The following CCDC178 variants were observed in gnomAD, a reference collection of about 807,000 sequenced individuals.
The protein encoded by CCDC178 is coiled-coil domain containing 178, also known as coiled-coil domain-containing protein 178.
CCDC178 carries 126 observed loss-of-function variants against 117.4 expected under a neutral mutation model. The ratio of observed to expected loss-of-function variants is 1.07; its 90% CI spans 0.93 to 1.24. The LOEUF (loss-of-function observed/expected upper bound fraction) is 1.24, where lower values mean the gene tolerates loss of function less well. Ranked by LOEUF, CCDC178 falls within the 50% of genes most tolerant of loss-of-function variation. The pLI is 0.00. For synonymous variants in CCDC178, 283 were observed against 313.4 expected (o/e 0.90, Z 1.02); for missense variants, 1,030 against 986.9 (o/e 1.04, Z -0.59).
intron 7 of CCDC178, among the ~76,000 whole-genome samples, chr18:33,349,650 T>G (rs971380272): frequency 6.6e-6 from 1 of 151,900 alleles, no homozygotes; most frequent in Admixed American, 6.6e-5. Context: ...TTTAAAAGTG[T>G]TTTTTCTCTG....
At chr18:32,978,934 G>A (rs2055085031) in intron 21 of CCDC178, among the ~76,000 whole-genome samples, 1 of 151,648 alleles carries the variant, frequency 6.6e-6, no homozygotes, top group East Asian at 2.0e-4. Context: ...CTACTCAGGA[G>A]ACTGAGACAG....
Position 33,029,160 on chromosome 18 carries a change from G to A in CCDC178, c.2389-54479C>T, listed in dbSNP as rs541114867. ...TCCATCTGAGCCTGGGATTTTCTTC[G>A]AAAAGTTTTGATTACTAATTCAATA... On this transcript the variant is annotated intron_variant, in intron 21 of 22. Coordinates refer to ENST00000383096, the MANE Select transcript of CCDC178 (RefSeq NM_001105528.4). Among the ~76,000 whole-genome samples, 7 of 151,890 alleles carry A rather than the reference G, an allele frequency of 4.6e-5. No homozygotes were observed. In the East Asian group the frequency reaches 9.7e-4, roughly 21 times the overall value.
chr18:33,299,498 T>A (rs1227125967), intron 11 of CCDC178, among the ~76,000 whole-genome samples: 1 of 77,032 alleles, frequency 1.3e-5, no homozygotes, highest in Non-Finnish European at 2.6e-5. Context: ...TTAAAACTAG[T>A]ATAAACACAC....
At chr18:32,968,185 A>C (rs1449576729) in intron 22 of CCDC178, among the ~76,000 whole-genome samples, 1 of 151,176 alleles carries the variant, frequency 6.6e-6, no homozygotes, top group African/African-American at 2.4e-5. Flanking sequence ...TCACTGTTCT[A>C]CTCTCTACTT....
chr18:33,437,161 T>G (rs1438322563), intron 2 of CCDC178, among the ~76,000 whole-genome samples: 1 of 152,206 alleles, frequency 6.6e-6, no homozygotes, highest in Non-Finnish European at 1.5e-5. Flanking sequence ...AAAGAATTTG[T>G]CGCAAGTGTA....
intron 21 of CCDC178, among the ~76,000 whole-genome samples, chr18:33,072,846 A>G (rs1218883377): frequency 6.6e-6 from 1 of 152,106 alleles, no homozygotes; most frequent in East Asian, 1.9e-4. Flanking sequence ...GCCTCAAGTG[A>G]TCTACCCATC....
intron 20 of CCDC178, among the ~76,000 whole-genome samples, chr18:33,094,077 A>G (rs1295484411): frequency 6.6e-6 from 1 of 152,048 alleles, no homozygotes; most frequent in Non-Finnish European, 1.5e-5. Flanking sequence ...TTCTGTATTT[A>G]CACACTTGAA....
chr18:33,356,268 A>C, intron 7 of CCDC178, 56 bp downstream of exon 7: 1 of 1,425,652 alleles, frequency 7.0e-7, no homozygotes, highest in South Asian at 1.3e-5. Flanking sequence ...ATAGCAGATG[A>C]TTGAAATTTG....
chr18:33,361,365 A>C (rs2063125454), intron 6 of CCDC178, among the ~76,000 whole-genome samples: 1 of 151,798 alleles, frequency 6.6e-6, no homozygotes, highest in Non-Finnish European at 1.5e-5. Context: ...ACCTAAATTT[A>C]AGATCAGAAG....
At chr18:33,305,540 G>C (rs1313414763) in intron 11 of CCDC178, among the ~76,000 whole-genome samples, 1 of 151,806 alleles carries the variant, frequency 6.6e-6, no homozygotes, top group African/African-American at 2.4e-5. Context: ...AGGTGAGAGA[G>C]GAACCTAAGG....
At chr18:33,080,089 G>A (rs1003251532) in intron 21 of CCDC178, among the ~76,000 whole-genome samples, 1 of 152,190 alleles carries the variant, frequency 6.6e-6, no homozygotes, top group Non-Finnish European at 1.5e-5. Flanking sequence ...GGAACACTAT[G>A]CAGCCATAAA....
intron 21 of CCDC178, among the ~76,000 whole-genome samples, chr18:33,013,971 C>A (rs1377939609): frequency 6.6e-6 from 1 of 152,160 alleles, no homozygotes; most frequent in Non-Finnish European, 1.5e-5. Context: ...TGTCAAAAAT[C>A]GACCTTGACT....
At chr18:33,031,924 G>A (rs2056351902) in intron 21 of CCDC178, among the ~76,000 whole-genome samples, 1 of 151,966 alleles carries the variant, frequency 6.6e-6, no homozygotes, top group Middle Eastern at 3.2e-3. Flanking sequence ...TAATGAGAAT[G>A]AACTACTACT....
intron 14 of CCDC178, among the ~76,000 whole-genome samples, chr18:33,259,950 TGAA>T (rs1477649548): frequency 6.6e-6 from 1 of 152,208 alleles, no homozygotes; most frequent in Admixed American, 6.5e-5. Context: ...AACATTTTAT[TGAA>T]GTAGAACTTT....
chr18:33,376,529 G>A (rs2063368620), intron 5 of CCDC178, among the ~76,000 whole-genome samples: 1 of 152,064 alleles, frequency 6.6e-6, no homozygotes, highest in Admixed American at 6.6e-5. Context: ...GAGGTTTGGG[G>A]TATGATTGCT....
chr18:33,316,313 A>C (rs1431093497), intron 11 of CCDC178, among the ~76,000 whole-genome samples: 2 of 152,086 alleles, frequency 1.3e-5, no homozygotes, highest in South Asian at 2.1e-4. Context: ...AGGGCCCCAC[A>C]CTCGAAGCGG....
intron 4 of CCDC178, among the ~76,000 whole-genome samples, chr18:33,391,310 T>C (rs1474422464): frequency 6.6e-6 from 1 of 151,618 alleles, no homozygotes. Flanking sequence ...GCATATTGTA[T>C]TAGAAAAAAA....
chr18:33,174,352 A>C (rs2058638813), intron 20 of CCDC178, among the ~76,000 whole-genome samples: 1 of 152,204 alleles, frequency 6.6e-6, no homozygotes, highest in South Asian at 2.1e-4. Flanking sequence ...CAAATATCCA[A>C]ACCATATCAG....
intron 12 of CCDC178, among the ~76,000 whole-genome samples, chr18:33,281,222 T>G (rs2060022435): frequency 1.3e-5 from 2 of 152,060 alleles, no homozygotes; most frequent in African/African-American, 4.8e-5. Flanking sequence ...TTTAAATATG[T>G]GCTATTTATT....
Sources: allele counts gnomAD v4.1 joint callset (sites outside exome capture counted in the v4.1 genomes callset), GRCh38; gene constraint gnomAD v4.1.1; transcripts MANE v1.5; gene names NCBI Gene and HGNC (gene_info 2026-07-23, HGNC 2026-07-21).